Variants in PPP3CA observed in about 807,000 individuals in gnomAD.
The protein encoded by PPP3CA is protein phosphatase 3 catalytic subunit alpha.
In PPP3CA, 14 loss-of-function variants were observed where a neutral mutation model predicts 66.5. The observed-to-expected ratio is 0.21, with a 90% CI of 0.14 to 0.33. PPP3CA has a LOEUF of 0.33. Ranked by LOEUF, PPP3CA falls within the 10% of genes least tolerant of loss-of-function variation. The pLI is 1.00. For missense variants in PPP3CA, 317 were observed against 639.5 expected (o/e 0.50, Z 5.44); for synonymous variants, 232 against 226.2 (o/e 1.03, Z -0.23).
intron 1 of PPP3CA, among the ~76,000 whole-genome samples, chr4:101,290,048 G>C (rs1346481670): frequency 6.6e-6 from 1 of 152,110 alleles, no homozygotes; most frequent in African/African-American, 2.4e-5. Flanking sequence ...AATGAAGACT[G>C]TGTGACACCA....
intron 1 of PPP3CA, among the ~76,000 whole-genome samples, chr4:101,264,868 T>C (rs184790331): frequency 6.6e-6 from 1 of 152,118 alleles, no homozygotes; most frequent in Non-Finnish European, 1.5e-5. Context: ...ATGCCCTTAT[T>C]AAAGGAGGTA....
At chr4:101,032,243 A>T (rs1211227726) in intron 12 of PPP3CA, 24 bp downstream of exon 12, 1 of 1,545,942 alleles carries the variant, frequency 6.5e-7, no homozygotes, top group Non-Finnish European at 8.8e-7. Flanking sequence ...CCCAGCACAC[A>T]GTCATACCCA....
At chr4:101,061,575 C>A (rs1389755977) in intron 9 of PPP3CA, among the ~76,000 whole-genome samples, 2 of 151,936 alleles carry the variant, frequency 1.3e-5, no homozygotes, top group Non-Finnish European at 2.9e-5. Flanking sequence ...TTTTAATCAC[C>A]TAGAGAACTT....
At chr4:101,062,200 T>A (rs1728492187) in intron 9 of PPP3CA, among the ~76,000 whole-genome samples, 1 of 152,064 alleles carries the variant, frequency 6.6e-6, no homozygotes, top group Non-Finnish European at 1.5e-5. Context: ...AGCCAACAGA[T>A]GACACTACTC....
At chr4:101,261,179 A>T (rs1360274242) in intron 1 of PPP3CA, among the ~76,000 whole-genome samples, 1 of 152,122 alleles carries the variant, frequency 6.6e-6, no homozygotes, top group Non-Finnish European at 1.5e-5. Context: ...AGAAATAAGG[A>T]GCTGAGGTCT....
chr4:101,319,472 C>G (rs1728975334), intron 1 of PPP3CA, among the ~76,000 whole-genome samples: 1 of 152,014 alleles, frequency 6.6e-6, no homozygotes, highest in South Asian at 2.1e-4. Flanking sequence ...TAATGTTATT[C>G]AAGAGTACCC....
At chr4:101,297,455 T>A (rs1728232175) in intron 1 of PPP3CA, among the ~76,000 whole-genome samples, 1 of 152,178 alleles carries the variant, frequency 6.6e-6, no homozygotes, top group Admixed American at 6.5e-5. Context: ...ACCTATCCAG[T>A]GTAATGTTAA....
At chr4:101,180,191 T>C (rs1352985419) in intron 2 of PPP3CA, among the ~76,000 whole-genome samples, 1 of 152,172 alleles carries the variant, frequency 6.6e-6, no homozygotes, top group Admixed American at 6.6e-5. Flanking sequence ...GGAACAGTCC[T>C]GGATTAAATG....
chr4:101,129,660 T>C (rs1006074727), intron 2 of PPP3CA, among the ~76,000 whole-genome samples: 1 of 152,184 alleles, frequency 6.6e-6, no homozygotes, highest in African/African-American at 2.4e-5. Context: ...GGGGCCTGAC[T>C]GTTAGAAGGA....
intron 1 of PPP3CA, among the ~76,000 whole-genome samples, chr4:101,311,137 G>C (rs73835928): frequency 0.063 from 9,591 of 152,132 alleles, 1,026 homozygotes; most frequent in African/African-American, 0.22. Context: ...AACTCCAAGA[G>C]ATCAATTTAT....
chr4:101,098,987 C>A (rs1560600860), intron 4 of PPP3CA, among the ~76,000 whole-genome samples: 2 of 152,066 alleles, frequency 1.3e-5, no homozygotes, highest in African/African-American at 4.8e-5. Context: ...AGTCTTTATG[C>A]TCCATTGAAT....
rs149552118 is a variant in PPP3CA at position 101,244,894 on chromosome 4, G to A, written c.59-48778C>T. Among the ~76,000 whole-genome samples, 129 of 151,748 alleles carry A rather than the reference G, an allele frequency of 8.5e-4. 2 individuals are homozygous for A. The East Asian group carries it at 0.021, about 25-fold the overall frequency. ...CCAAATACATGGCTCTGTAAGAAAC[G>A]GCTTTAAAGGAGACTATTTAAAGTC... On this transcript the variant is annotated intron_variant, in intron 1 of 13. Transcript: ENST00000394854.
At chr4:101,321,191 T>C (rs1578663497) in intron 1 of PPP3CA, among the ~76,000 whole-genome samples, 1 of 152,252 alleles carries the variant, frequency 6.6e-6, no homozygotes, top group African/African-American at 2.4e-5. Flanking sequence ...ATTTTATAGA[T>C]ATAATGCTTA....
chr4:101,230,477 C>G lies in PPP3CA; in HGVS notation c.59-34361G>C, dbSNP rs1325816906. ...ACAGCTGCAGCGAGCCATGATAACA[C>G]CACCGCTCTTCAGCCTGGGTGACAG... is the stretch of plus-strand genomic sequence containing the variant. On this transcript the variant is annotated intron_variant, in intron 1 of 13. Transcript: ENST00000394854. 2.0e-5 allele frequency among the ~76,000 whole-genome samples: 3 copies of G among 151,678 alleles called. No individual in the cohort carries two copies. The South Asian group carries it at 6.2e-4, about 31-fold the overall frequency.
intron 2 of PPP3CA, among the ~76,000 whole-genome samples, chr4:101,191,546 G>A (rs965989264): frequency 6.6e-6 from 1 of 152,088 alleles, no homozygotes; most frequent in Admixed American, 6.6e-5. Context: ...TAAAGATTTG[G>A]CCACTAAAAT....
chr4:101,185,784 A>G (rs1259924646), intron 2 of PPP3CA, among the ~76,000 whole-genome samples: 1 of 152,178 alleles, frequency 6.6e-6, no homozygotes, highest in African/African-American at 2.4e-5. Context: ...GCCTTGAGTA[A>G]TATTTTAATG....
chr4:101,250,015 T>C (rs1726622669), intron 1 of PPP3CA, among the ~76,000 whole-genome samples: 2 of 152,310 alleles, frequency 1.3e-5, no homozygotes, highest in South Asian at 4.1e-4. Context: ...ATTGTACTTC[T>C]GAAACGCTGT....
At chr4:101,089,597 C>T (rs1202560945) in intron 6 of PPP3CA, among the ~76,000 whole-genome samples, 2 of 152,140 alleles carry the variant, frequency 1.3e-5, no homozygotes, top group Non-Finnish European at 2.9e-5. Flanking sequence ...TATGATTCAT[C>T]CAAGGCAGAA....
chr4:101,046,265 G>GA (rs141586601), intron 10 of PPP3CA, among the ~76,000 whole-genome samples: 6,857 of 152,132 alleles, frequency 0.045, 544 homozygotes, highest in African/African-American at 0.16. Context: ...CGACCAGTTT[G>GA]AAAAAATTAT....
Sources: gnomAD v4.1 joint callset for allele counts (sites outside exome capture counted in the v4.1 genomes callset) on GRCh38, gnomAD v4.1.1 for gene constraint, MANE v1.5 for transcripts, NCBI Gene and HGNC (gene_info 2026-07-23, HGNC 2026-07-21) for gene names.